The following SMG1 variants were observed in gnomAD, a reference collection of about 807,000 sequenced individuals.
SMG1 encodes the protein SMG1 nonsense mediated mRNA decay associated PI3K related kinase.
In SMG1, 22 loss-of-function variants were observed where a neutral mutation model predicts 419.9. The observed-to-expected ratio is 0.05, with a 90% CI of 0.04 to 0.07. The LOEUF is 0.07. SMG1 is among the 10% of genes least tolerant of loss of function. SMG1 has a pLI of 1.00. For missense variants in SMG1, 3,185 were observed against 4,342.0 expected, an observed-to-expected ratio of 0.73 and a Z score of 7.49; for synonymous variants, 1,538 against 1,553.5, an observed-to-expected ratio of 0.99 and a Z score of 0.23.
At chr16:18,840,045 T>C (rs2033825589) in intron 41 of SMG1, 99 bp from the exon 42 acceptor site, 1 of 907,556 alleles carries the variant, frequency 1.1e-6, no homozygotes, top group South Asian at 1.8e-5. Context: ...AAAATGATTT[T>C]TCAGTAGCAT....
intron 29 of SMG1, chr16:18,857,397 C>A (rs1214500680): frequency 1.3e-5 from 2 of 152,172 alleles, no homozygotes; most frequent in African/African-American, 4.8e-5. Context: ...GCGCATTTTA[C>A]GTGACAAAGA....
Position 18,815,503 on chromosome 16 carries a change from T to C in SMG1, c.10451A>G (p.Glu3484Gly), listed in dbSNP as rs1350832536. The change falls in exon 59 of 63, where the codon GAA (glutamate) becomes GGA (glycine). Residue 3484 changes from glutamate (E) to glycine (G), a missense_variant. By Grantham distance (98) the Glu-to-Gly change is moderately conservative. This residue lies in a region of SMG1 where 737 missense variants were observed against 846.6 expected (regional missense o/e 0.87). Coordinates refer to ENST00000446231, the MANE Select transcript of SMG1 (RefSeq NM_015092.5). ...GATTTCCTGGAGCATTTCAACGTGT[T>C]CTTGACTTCGAACCTGACCCATAGC... Reference protein sequence around the residue: ...VQAMGQVRSQEHVEMLQEITP... With the variant: ...VQAMGQVRSQGHVEMLQEITP... The C allele has an allele frequency of 6.2e-7, 1 of 1,613,878 alleles. No individual in the cohort carries two copies. Among genetic ancestry groups the C allele is most frequent in the Non-Finnish European group, 8.5e-7 (1 of 1,179,888 alleles).
At chr16:18,912,297 A>T (rs2037825041) in intron 1 of SMG1, among the ~76,000 whole-genome samples, 1 of 151,862 alleles carries the variant, frequency 6.6e-6, no homozygotes, top group African/African-American at 2.4e-5. Flanking sequence ...ATTTATTTGC[A>T]AAGAGAAGAC....
chr16:18,881,204 A>C (rs1400934147), intron 10 of SMG1, among the ~76,000 whole-genome samples: 2 of 151,872 alleles, frequency 1.3e-5, no homozygotes, highest in Non-Finnish European at 2.9e-5. Flanking sequence ...TCATAAATCA[A>C]TATACACCTA....
chr16:18,879,796 A>C (rs1026335610), intron 10 of SMG1, 77 bp from the exon 11 acceptor site: 149 of 815,790 alleles, frequency 1.8e-4, no homozygotes, highest in Non-Finnish European at 2.4e-4. Flanking sequence ...TTTTTATTTA[A>C]TGCAATTTCA....
chr16:18,880,488 G>A (rs1290694800), intron 10 of SMG1, among the ~76,000 whole-genome samples: 1 of 152,098 alleles, frequency 6.6e-6, no homozygotes, highest in Admixed American at 6.6e-5. Flanking sequence ...TTAGCTGGAA[G>A]GTTCTCTTGA....
chr16:18,834,834 G>C, intron 49 of SMG1, 58 bp downstream of exon 49: 1 of 1,541,148 alleles, frequency 6.5e-7, no homozygotes, highest in Non-Finnish European at 8.9e-7. Context: ...GAACATTTTA[G>C]GTTTGGGATT....
At chr16:18,871,178 T>A (rs1481462827) in intron 16 of SMG1, among the ~76,000 whole-genome samples, 186 bp downstream of exon 16, 1 of 152,006 alleles carries the variant, frequency 6.6e-6, no homozygotes, top group Non-Finnish European at 1.5e-5. Flanking sequence ...AATGTGACAA[T>A]CACTTCAAAA....
intron 38 of SMG1, 74 bp downstream of exon 38, chr16:18,847,379 T>C (rs747918160): frequency 3.1e-5 from 47 of 1,521,056 alleles, no homozygotes; most frequent in Non-Finnish European, 4.3e-5. Flanking sequence ...ATTAAAATAG[T>C]AAATTTTATG....
chr16:18,885,583 C>G lies in SMG1; in HGVS notation c.906G>C (p.Leu302Phe), dbSNP rs1010347487. 5.6e-6 allele frequency: 9 copies of G among 1,595,856 alleles called. No individual in the cohort carries two copies. The Admixed American group carries it at 1.2e-4, about 21-fold the overall frequency. ...LLCKCVKCILLVARCYPHIFS... is the reference protein window; with the variant it reads ...LLCKCVKCILFVARCYPHIFS... ...AAATATGAGGGTAACATCGAGCCAC[C>G]AAAAGAATGCACTTAACACATTTAC... is the stretch of plus-strand genomic sequence containing the variant. Residue 302 changes from leucine (L) to phenylalanine (F), a missense_variant, in exon 7 of 63, where the codon TTG becomes TTC. Around this residue, in one of 27 missense-constraint regions of SMG1, gnomAD observed 53 missense variants for 56.3 expected, o/e 0.94. Coordinates refer to ENST00000446231, the MANE Select transcript of SMG1 (RefSeq NM_015092.5).
Position 18,864,081 on chromosome 16 carries a change from G to A in SMG1, c.3414C>T (p.Cys1138=). ...GCACCGATTTGTCAAAGCTGGAGAT[G>A]CAGCAATCAACACCTGTCATGGCAC... The part of the protein sequence containing the change: ...HLCAMTGVDC[C]ISSFDKSVLT... Residue 1138 remains cysteine (C), a synonymous_variant, in exon 24 of 63, where the codon TGC becomes TGT. Transcript: ENST00000446231. 6.5e-7 allele frequency: 1 copy of A among 1,549,492 alleles called. No homozygotes were observed. The highest frequency in any genetic ancestry group is 8.7e-7 in the Non-Finnish European group (1 of 1,146,744).
chr16:18,808,161 C>T lies in SMG1; in HGVS notation c.*1408G>A, dbSNP rs916483491. 2 of 151,654 alleles carry T rather than the reference C, an allele frequency of 1.3e-5. No homozygotes were observed. The highest frequency in any genetic ancestry group is 4.9e-5 in the African/African-American group (2 of 41,042). The allele number at this position is 151,654 out of a possible 1,614,324, so 9.4% of individuals were successfully genotyped here. A position where few individuals can be genotyped will look rare whatever the true frequency, so the allele number is the denominator to read the frequency against. On this transcript the variant is annotated 3_prime_UTR_variant, in exon 63 of 63. Transcript: ENST00000446231. ...TATTTTGGATCAGCAATTTAGCTTA[C>T]ACAGTCAGTACTGAAATGCAATGCT... is the stretch of plus-strand genomic sequence containing the variant.
Position 18,885,166 on chromosome 16 carries a change from GA to G in SMG1, c.949-5del. Reference sequence around the variant, plus strand: ...CAACTAATATATCAACTGTATCCTTGATGGAAACAAAGAGAGAGGGGGCCAA... The same window carrying G: ...CAACTAATATATCAACTGTATCCTTGTGGAAACAAAGAGAGAGGGGGCCAA... On this transcript the variant is annotated splice_polypyrimidine_tract_variant and splice_region_variant and intron_variant, in intron 7 of 62. Transcript: ENST00000446231. 1 of 845,428 alleles carries G rather than the reference GA, an allele frequency of 1.2e-6. No individual in the cohort carries two copies. Among genetic ancestry groups the G allele is most frequent in the Non-Finnish European group, 1.9e-6 (1 of 536,862 alleles). The allele number at this position is 845,428 out of a possible 1,614,324, so 52.4% of individuals were successfully genotyped here.
At position 18,863,769 on chromosome 16, in the gene SMG1, C is replaced by T. The variant is rs2035336033; in HGVS notation, c.3576G>A (p.Glu1192=). 1.3e-6 allele frequency: 2 copies of T among 1,577,938 alleles called. No homozygotes were observed. The highest frequency in any genetic ancestry group is 1.3e-5 in the African/African-American group (1 of 74,378). The change falls in exon 25 of 63, where the codon GAG becomes GAA. Residue 1192 remains glutamate, a synonymous_variant. Coordinates refer to ENST00000446231, the MANE Select transcript of SMG1 (RefSeq NM_015092.5). ...VINYLGNKAC[E]CYISIADWAA... Reference sequence around the variant, plus strand: ...CCCAATCGGCAATTGAGATGTAGCACTCACATGCTTTATTTCCTAAATAAT... The same window carrying T: ...CCCAATCGGCAATTGAGATGTAGCATTCACATGCTTTATTTCCTAAATAAT...
At chr16:18,890,738 A>C in intron 5 of SMG1, 125 bp downstream of exon 5, 1 of 636,768 alleles carries the variant, frequency 1.6e-6, no homozygotes. Flanking sequence ...AAATGACAAG[A>C]CCCACTGAAA....
intron 39 of SMG1, among the ~76,000 whole-genome samples, chr16:18,845,116 G>C (rs745550243): frequency 2.0e-5 from 3 of 152,130 alleles, no homozygotes; most frequent in Non-Finnish European, 4.4e-5. Context: ...AAATAAAGCA[G>C]GCAACCAATA....
At position 18,853,580 on chromosome 16, in the gene SMG1, T is replaced by C. The variant is rs781657763; in HGVS notation, c.4768+3A>G. The C allele has an allele frequency of 9.5e-6, 15 of 1,577,784 alleles. No individual in the cohort carries two copies. The highest frequency in any genetic ancestry group is 1.3e-5 in the Non-Finnish European group (15 of 1,161,082). ...TATTCTAAAGCTAATAAAGCAACTC[T>C]ACCTGTAGATTCACTCTCGATCCGA... On this transcript the variant is annotated splice_donor_region_variant and intron_variant, in intron 31 of 62. Transcript: ENST00000446231.
chr16:18,906,748 A>C (rs1375574063), intron 1 of SMG1, among the ~76,000 whole-genome samples: 1 of 151,918 alleles, frequency 6.6e-6, no homozygotes, highest in Non-Finnish European at 1.5e-5. Flanking sequence ...AGTTGTCTAG[A>C]CTCCTCTCTC....
chr16:18,918,399 C>T (rs1332861128), intron 1 of SMG1, among the ~76,000 whole-genome samples: 2 of 152,344 alleles, frequency 1.3e-5, no homozygotes, highest in African/African-American at 2.4e-5. Context: ...AATTTCTCTA[C>T]ACACTGACAA....
Sources: allele counts gnomAD v4.1 joint callset (sites outside exome capture counted in the v4.1 genomes callset), GRCh38; gene constraint gnomAD v4.1.1; regional missense constraint gnomAD v4.1.1; transcripts MANE v1.5; gene names NCBI Gene and HGNC (gene_info 2026-07-23, HGNC 2026-07-21).